Variants in PKN3 observed in about 807,000 individuals in gnomAD.
The protein encoded by PKN3 is protein kinase N3.
In PKN3, 91 loss-of-function variants were observed where a neutral mutation model predicts 113.1. That is an observed-to-expected ratio of 0.80 (90% confidence interval 0.68 to 0.96). The LOEUF (loss-of-function observed/expected upper bound fraction) is 0.96, where lower values mean the gene tolerates loss of function less well. Among genes scored for constraint, PKN3 ranks in the 40% least tolerant of loss-of-function variants. PKN3 has a pLI of 0.00. For missense variants in PKN3, 1,052 were observed against 1,202.2 expected (o/e 0.88, Z 1.85); for synonymous variants, 467 against 499.0 (o/e 0.94, Z 0.85).
intron 1 of PKN3, 87 bp from the exon 2 acceptor site, chr9:128,705,216 C>G (rs953791747): frequency 6.7e-7 from 1 of 1,492,834 alleles, no homozygotes; most frequent in Non-Finnish European, 9.0e-7. Flanking sequence ...TCCCTTCCTT[C>G]GCCTCCATCT....
In PKN3 at chr9:128,713,702, C is replaced by G. The variant is rs567948344; in HGVS notation, c.1236+60C>G. The G allele has an allele frequency of 9.1e-6, 14 of 1,541,612 alleles. No homozygotes were observed. The African/African-American group carries it at 1.8e-4, about 19-fold the overall frequency. On this transcript the variant is annotated intron_variant, in intron 9 of 21. Transcript: ENST00000291906. ...CCCTGGGGCGTCAGGGCCAGGAAGG[C>G]CTTCAAGACCGATGCACTGCGTGTA... is the stretch of plus-strand genomic sequence containing the variant.
chr9:128,712,155 C>G (rs1381427446), intron 6 of PKN3, among the ~76,000 whole-genome samples: 1 of 152,188 alleles, frequency 6.6e-6, no homozygotes, highest in African/African-American at 2.4e-5. Context: ...GGTGATCTGC[C>G]TGCCTTGGTC....
rs886788326 is a variant in PKN3, at chr9:128,705,519, CCCGGCCCTGGGCCT to C, written c.242_255del (p.Pro81ArgfsTer4). ...GGAGCTGCACGCCCGAATCCTGCTG[CCCGGCCCTGGGCCT>C]GGCCCAGCTGGTGAGTGAGGAGCTG... is the stretch of plus-strand genomic sequence containing the variant. On this transcript the variant is annotated frameshift_variant, in exon 2 of 22. Coordinates refer to ENST00000291906, the MANE Select transcript of PKN3 (RefSeq NM_013355.5). LOFTEE classifies it high-confidence loss of function. 5 of 1,557,008 alleles carry C rather than the reference CCCGGCCCTGGGCCT, an allele frequency of 3.2e-6. No homozygotes were observed. Among genetic ancestry groups the C allele is most frequent in the Non-Finnish European group, 4.3e-6 (5 of 1,151,242 alleles).
At position 128,713,484 on chromosome 9, in the gene PKN3, G is replaced by C. The variant is rs1862242956; in HGVS notation, c.1093-15G>C. On this transcript the variant is annotated splice_polypyrimidine_tract_variant and intron_variant, in intron 8 of 21. Transcript: ENST00000291906. The stretch of plus-strand genomic sequence containing the variant: ...GTTCTGCACCCCACCCTTCAGCCTG[G>C]CCTCCCCAATACAGGCCCGTGAGCT... 6.2e-7 allele frequency: 1 copy of C among 1,613,782 alleles called. No homozygotes were observed.
chr9:128,703,535 G>T (rs1209877764), intron 1 of PKN3: 1 of 985,312 alleles, frequency 1.0e-6, no homozygotes, highest in Non-Finnish European at 1.2e-6. Context: ...GTAGGTGCGC[G>T]TGGGCCCGGA....
intron 9 of PKN3, 152 bp downstream of exon 9, chr9:128,713,794 C>T: frequency 2.2e-6 from 2 of 912,534 alleles, no homozygotes; most frequent in Non-Finnish European, 3.3e-6. Context: ...TCTCTCAGGG[C>T]TGCATCTGGA....
chr9:128,715,429 C>T lies in PKN3; in HGVS notation c.1777C>T (p.Gln593Ter), dbSNP rs1184734160. 2 of 1,613,748 alleles carry T rather than the reference C, an allele frequency of 1.2e-6. No individual in the cohort carries two copies. The highest frequency in any genetic ancestry group is 1.7e-6 in the Non-Finnish European group (2 of 1,179,926). Residue 593 changes from glutamine (Q) to a stop codon, truncating the protein, a stop_gained, in exon 15 of 22, where the codon CAG becomes TAG. Transcript: ENST00000291906. LOFTEE classifies it high-confidence loss of function. The surrounding 1 kb of genome is among the most constrained non-coding windows in gnomAD (Gnocchi z 4.1). ...KYYAIKALKK[Q>*]EVLSRDEIES... is the part of the protein sequence containing the mutation. ...CTACGCCATCAAAGCACTGAAGAAGCAGGAGGTGCTCAGCCGGGACGAGAT... is the reference window on the plus strand; with the variant it reads ...CTACGCCATCAAAGCACTGAAGAAGTAGGAGGTGCTCAGCCGGGACGAGAT...
At chr9:128,705,682 G>A in intron 2 of PKN3, 52 bp from the exon 3 acceptor site, 4 of 1,548,290 alleles carry the variant, frequency 2.6e-6, no homozygotes, top group Non-Finnish European at 3.5e-6. Flanking sequence ...GGCCACAGTG[G>A]GGGTCTCGGC....
chr9:128,719,906 A>G lies in PKN3; in HGVS notation c.2269-4A>G, dbSNP rs576969404. The G allele has an allele frequency of 2.5e-6, 4 of 1,613,714 alleles. No homozygotes were observed. In the South Asian group the frequency reaches 4.4e-5, roughly 18 times the overall value. On this transcript the variant is annotated splice_polypyrimidine_tract_variant and splice_region_variant and intron_variant, in intron 19 of 21. Coordinates refer to ENST00000291906, the MANE Select transcript of PKN3 (RefSeq NM_013355.5). ...TGCATCCTGCTGAGCCCCCATCTCCACAGTGCCCGTTCCCAGGGGACACAG... is the reference window on the plus strand; with the variant it reads ...TGCATCCTGCTGAGCCCCCATCTCCGCAGTGCCCGTTCCCAGGGGACACAG...
In PKN3 at chr9:128,715,364, C is replaced by T. The variant is rs767311791; in HGVS notation, c.1717-5C>T. On this transcript the variant is annotated splice_region_variant and splice_polypyrimidine_tract_variant and intron_variant, in intron 14 of 21. Transcript: ENST00000291906. This position sits in a 1 kb window ranked among gnomAD's most constrained non-coding sequence, Gnocchi z 4.1. ...ACCTGGAGCACAACCTCTCTCTGGC[C>T]CCAGGTCCTCCTGGTCCAGTTCAAG... 3 of 1,613,354 alleles carry T rather than the reference C, an allele frequency of 1.9e-6. No homozygotes were observed. The South Asian group carries it at 3.3e-5, about 18-fold the overall frequency.
In PKN3 at chr9:128,713,602, TG is replaced by T; in HGVS notation, c.1197del (p.Ser400ProfsTer14). 1 of 1,613,800 alleles carries T rather than the reference TG, an allele frequency of 6.2e-7. No individual in the cohort carries two copies. The highest frequency in any genetic ancestry group is 1.1e-5 in the South Asian group (1 of 91,092). On this transcript the variant is annotated frameshift_variant, in exon 9 of 22. Coordinates refer to ENST00000291906, the MANE Select transcript of PKN3 (RefSeq NM_013355.5). LOFTEE classifies it high-confidence loss of function. ...EDFLDNACHQ[L>X]SLSLVPQGLL... ...TTCCTGGACAATGCCTGTCACCAAC[TG>T]TCCCTCAGCCTGGTACCGCAGGGAC...
rs1214124930 is a variant in PKN3, at chr9:128,704,925, AAAAAAG to A, written c.25-360_25-355del. Among the ~76,000 whole-genome samples, 34 of 152,114 alleles carry A rather than the reference AAAAAAG, an allele frequency of 2.2e-4. No individual in the cohort carries two copies. The East Asian group carries it at 2.7e-3, about 12-fold the overall frequency. On this transcript the variant is annotated intron_variant, in intron 1 of 21. Transcript: ENST00000291906. Reference sequence around the variant, plus strand: ...AAGAGCAAAACTGTCTCAAAAAAAAAAAAAAGAAAAAGAAAAAGAAAAAAGAAAATG... The same window carrying A: ...AAGAGCAAAACTGTCTCAAAAAAAAAAAAAAGAAAAAGAAAAAAGAAAATG...
In PKN3 at chr9:128,702,672, A is replaced by C; in HGVS notation, c.-244A>C. The C allele has an allele frequency of 3.1e-4, 127 of 408,658 alleles. No homozygotes were observed. Among genetic ancestry groups the C allele is most frequent in the East Asian group, 4.9e-4 (11 of 22,518 alleles). 25.3% of individuals were successfully genotyped at this position (408,658 alleles called of 1,614,324 possible). Reference sequence around the variant, plus strand: ...GGTACTGGGCCCAGAATCCCGCGGAATTTTGGATCCGAGGGAGGCGCTGGG... The same window carrying C: ...GGTACTGGGCCCAGAATCCCGCGGACTTTTGGATCCGAGGGAGGCGCTGGG... On this transcript the variant is annotated 5_prime_UTR_variant, in exon 1 of 22. Coordinates refer to ENST00000291906, the MANE Select transcript of PKN3 (RefSeq NM_013355.5).
At chr9:128,703,831 C>CG in intron 1 of PKN3, 1 of 985,448 alleles carries the variant, frequency 1.0e-6, no homozygotes, top group Non-Finnish European at 1.2e-6. Flanking sequence ...GAGGTCCCTC[C>CG]GCCTGTTCCA....
Position 128,720,208 on chromosome 9 carries a change from C to T in PKN3, c.2382C>T (p.Leu794=), listed in dbSNP as rs1227626080. ...VQGLEFIQKL[L]QKCPEKRLGA... is the part of the protein sequence containing the mutation. ...GCGCCTGTCCTATTGCCCAGCTCCT[C>T]CAGAAGTGCCCGGAGAAGCGCCTCG... Residue 794 remains leucine (L), a synonymous_variant, in exon 21 of 22, where the codon CTC becomes CTT. Transcript: ENST00000291906. This position sits in a 1 kb window ranked among gnomAD's most constrained non-coding sequence, Gnocchi z 5.5. The T allele has an allele frequency of 2.5e-6, 4 of 1,613,424 alleles. No individual in the cohort carries two copies. The highest frequency in any genetic ancestry group is 1.7e-5 in the Admixed American group (1 of 59,960).
intron 1 of PKN3, chr9:128,704,149 A>G: frequency 3.0e-5 from 30 of 985,294 alleles, no homozygotes; most frequent in Non-Finnish European, 3.6e-5. Flanking sequence ...GGTTCCTGCA[A>G]CAGCCCGTGT....
chr9:128,706,517 A>G (rs1862023352), intron 3 of PKN3, among the ~76,000 whole-genome samples, 196 bp from the exon 4 acceptor site: 1 of 152,232 alleles, frequency 6.6e-6, no homozygotes, highest in Admixed American at 6.5e-5. Context: ...ATTTGACCCC[A>G]GCCCTTGTTG....
intron 1 of PKN3, chr9:128,703,619 G>C (rs758605763): frequency 1.0e-6 from 1 of 985,438 alleles, no homozygotes. Context: ...GGTTGGGAGG[G>C]GGGCATTTGC....
Position 128,719,811 on chromosome 9 carries a change from G to A in PKN3, c.2251G>A (p.Glu751Lys), listed in dbSNP as rs750200385. 3.1e-6 allele frequency: 5 copies of A among 1,606,826 alleles called. No individual in the cohort carries two copies. The highest frequency in any genetic ancestry group is 1.7e-4 in the Middle Eastern group (1 of 6,030). Residue 751 changes from glutamate (E) to lysine (K), a missense_variant, in exon 19 of 22, where the codon GAG becomes AAG. Glu to Lys is a moderately conservative substitution (Grantham distance 56). Around this residue, in one of 2 missense-constraint regions of PKN3, gnomAD observed 333 missense variants for 442.8 expected, o/e 0.75. Coordinates refer to ENST00000291906, the MANE Select transcript of PKN3 (RefSeq NM_013355.5). ...GTGGGGGCTGGGTGTGCTGCTCTAC[G>A]AGATGCTGGTGGGTGAGGTGAGTGC... ...DWWGLGVLLY[E>K]MLVGECPFPG...
Sources: gnomAD v4.1 joint callset for allele counts (sites outside exome capture counted in the v4.1 genomes callset) on GRCh38, gnomAD v4.1.1 for gene constraint, gnomAD v4.1.1 regional missense constraint, Gnocchi (gnomAD v3.1) non-coding constraint, MANE v1.5 for transcripts, NCBI Gene and HGNC (gene_info 2026-07-23, HGNC 2026-07-21) for gene names.